The following ZNF226 variants were observed in gnomAD, a reference collection of about 807,000 sequenced individuals.
The protein encoded by ZNF226 is zinc finger protein 226, also known as Kruppel-associated box protein.
A neutral mutation model predicts 11.4 loss-of-function variants in ZNF226; 6 were observed. That is an observed-to-expected ratio of 0.53 (90% CI 0.29 to 1.04). The LOEUF (loss-of-function observed/expected upper bound fraction) is 1.04. Among genes scored for constraint, ZNF226 ranks in the 50% least tolerant of loss-of-function variants. ZNF226 has a pLI of 0.08. For missense variants in ZNF226, 1,058 were observed against 956.5 expected, an observed-to-expected ratio of 1.11 and a Z score of -1.40; for synonymous variants, 350 against 322.8, an observed-to-expected ratio of 1.08 and a Z score of -0.90.
rs1206986773 is a variant in ZNF226, at chr19:44,175,843, AT to A, written c.582del (p.Asn194LysfsTer41). On this transcript the variant is annotated frameshift_variant, in exon 6 of 6. Transcript: ENST00000337433. LOFTEE classifies it low-confidence loss of function (END_TRUNC). ...AGAGATCAGCAAATTTCCATAAAAAATAAATTATGTCAATGTAAGAAGGGTG... is the reference window on the plus strand; with the variant it reads ...AGAGATCAGCAAATTTCCATAAAAAAAAATTATGTCAATGTAAGAAGGGTG... ...LNRDQQISIKNKLCQCKKGVD... is the reference protein window; with the variant it reads ...LNRDQQISIKXKLCQCKKGVD... 1.1e-5 allele frequency: 18 copies of A among 1,613,578 alleles called. No homozygotes were observed. Among genetic ancestry groups the A allele is most frequent in the Admixed American group, 1.7e-5 (1 of 59,956 alleles).
intron 2 of ZNF226, among the ~76,000 whole-genome samples, chr19:44,168,269 T>C (rs1969642998): frequency 6.6e-6 from 1 of 152,116 alleles, no homozygotes; most frequent in Non-Finnish European, 1.5e-5. Flanking sequence ...GTCTTTTTGC[T>C]TTCACAACTT....
At chr19:44,169,048 G>A (rs10408004) in intron 2 of ZNF226, among the ~76,000 whole-genome samples, 17,810 of 122,606 alleles carry the variant, frequency 0.15, 3,122 homozygotes, top group African/African-American at 0.43. Context: ...TCACTCAGTC[G>A]CCGAGGCTGG....
intron 3 of ZNF226, among the ~76,000 whole-genome samples, chr19:44,171,752 C>G (rs1411599993): frequency 1.3e-5 from 2 of 152,136 alleles, no homozygotes; most frequent in Non-Finnish European, 2.9e-5. Flanking sequence ...TCACTTGGCT[C>G]CCACCTCAGT....
chr19:44,194,224 G>A, the ZNF226 span, among the ~76,000 whole-genome samples: 23 of 152,202 alleles, frequency 1.5e-4, no homozygotes, highest in Middle Eastern at 3.4e-3. Context: ...ACTGGAGTCC[G>A]TCATAGATGG....
Position 44,177,454 on chromosome 19 carries a change from T to A in ZNF226, c.2192T>A (p.Val731Glu). The change falls in exon 6 of 6, where the codon GTG becomes GAG. Residue 731 changes from valine (V) to glutamate (E), a missense_variant. Transcript: ENST00000337433. Reference protein sequence around the residue: ...HTGEKPYKCDVCGKVFSRSSQ... With the variant: ...HTGEKPYKCDECGKVFSRSSQ... Reference sequence around the variant, plus strand: ...GGAGAGAAACCATACAAATGTGATGTGTGTGGTAAAGTCTTCAGTCGGTCT... The same window carrying A: ...GGAGAGAAACCATACAAATGTGATGAGTGTGGTAAAGTCTTCAGTCGGTCT... 1.2e-6 allele frequency: 2 copies of A among 1,614,204 alleles called. No individual in the cohort carries two copies. The highest frequency in any genetic ancestry group is 1.7e-6 in the Non-Finnish European group (2 of 1,180,028).
chr19:44,198,144 ACTTT>A, the ZNF226 span, among the ~76,000 whole-genome samples: 1 of 152,130 alleles, frequency 6.6e-6, no homozygotes, highest in Admixed American at 6.6e-5. Flanking sequence ...CTGTTTCTGA[ACTTT>A]CTATTATCTT....
intron 5 of ZNF226, chr19:44,175,162 G>A (rs1440219072): frequency 5.4e-6 from 8 of 1,482,442 alleles, no homozygotes; most frequent in Admixed American, 2.6e-5. Flanking sequence ...CTGGGCTGTG[G>A]TTGTAAACTG....
At chr19:44,191,327 T>C in the ZNF226 span, among the ~76,000 whole-genome samples, 1 of 152,174 alleles carries the variant, frequency 6.6e-6, no homozygotes, top group African/African-American at 2.4e-5. Context: ...ATTATTTCTA[T>C]TGTATTTAGC....
chr19:44,183,223 T>C (rs1318372222), downstream of ZNF226, among the ~76,000 whole-genome samples: 1 of 152,208 alleles, frequency 6.6e-6, no homozygotes, highest in East Asian at 1.9e-4. Flanking sequence ...AAAATGTCAC[T>C]GTAGCCCACC....
intron 2 of ZNF226, among the ~76,000 whole-genome samples, chr19:44,167,269 C>T (rs920817199): frequency 1.5e-4 from 23 of 150,420 alleles, no homozygotes; most frequent in Non-Finnish European, 3.0e-5. Context: ...GTCATCATCT[C>T]GTCATCGTTA....
Position 44,176,266 on chromosome 19 carries a change from A to G in ZNF226, c.1004A>G (p.Tyr335Cys). The G allele has an allele frequency of 6.2e-7, 1 of 1,614,218 alleles. No homozygotes were observed. The highest frequency in any genetic ancestry group is 8.5e-7 in the Non-Finnish European group (1 of 1,180,032). Residue 335 changes from tyrosine (Y) to cysteine (C), a missense_variant, in exon 6 of 6, where the codon TAC becomes TGC. Transcript: ENST00000337433. ...AAAGTCCACGTGATAGAGAAACCAT[A>G]CAAATGTAAGCAATGTGGGAAAGGT... ...HQKVHVIEKP[Y>C]KCKQCGKGFS...
intron 3 of ZNF226, among the ~76,000 whole-genome samples, chr19:44,171,089 A>G (rs1970039671): frequency 6.6e-6 from 1 of 152,210 alleles, no homozygotes; most frequent in African/African-American, 2.4e-5. Flanking sequence ...TTTTTAAACT[A>G]TTCTCTATAT....
chr19:44,174,562 A>G (rs1300175485), intron 5 of ZNF226: 1 of 153,612 alleles, frequency 6.5e-6, no homozygotes. Flanking sequence ...GCTTATATGT[A>G]TGTCTTTAGA....
chr19:44,184,842 A>G, the ZNF226 span, among the ~76,000 whole-genome samples: 1 of 152,210 alleles, frequency 6.6e-6, no homozygotes, highest in Non-Finnish European at 1.5e-5. Flanking sequence ...ATTAGTGTAA[A>G]TTGTATTCAT....
chr19:44,166,897 T>C (rs1010866550), intron 2 of ZNF226: 7 of 152,188 alleles, frequency 4.6e-5, no homozygotes, highest in African/African-American at 1.7e-4. Context: ...GCGAGATGCA[T>C]GTTAAAGTTT....
At position 44,176,942 on chromosome 19, in the gene ZNF226, G is replaced by T. The variant is rs1436794077; in HGVS notation, c.1680G>T (p.Lys560Asn). Residue 560 changes from lysine (K) to asparagine (N), a missense_variant, in exon 6 of 6, where the codon AAG becomes AAT. Physicochemically the swap from Lys to Asn is moderately conservative, Grantham distance 94. Coordinates refer to ENST00000337433, the MANE Select transcript of ZNF226 (RefSeq NM_001032373.2). ...QKAHSIEKPFKCEECGQGFNQ... is the reference protein window; with the variant it reads ...QKAHSIEKPFNCEECGQGFNQ... Reference sequence around the variant, plus strand: ...CCCACAGTATAGAGAAACCTTTTAAGTGTGAGGAGTGTGGGCAGGGTTTCA... The same window carrying T: ...CCCACAGTATAGAGAAACCTTTTAATTGTGAGGAGTGTGGGCAGGGTTTCA... 8 of 1,613,438 alleles carry T rather than the reference G, an allele frequency of 5.0e-6. No homozygotes were observed. In the South Asian group the frequency reaches 8.8e-5, roughly 18 times the overall value.
At chr19:44,182,937 TGA>T (rs1297621590), downstream of ZNF226, among the ~76,000 whole-genome samples, 1 of 152,138 alleles carries the variant, frequency 6.6e-6, no homozygotes, top group Non-Finnish European at 1.5e-5. Context: ...TAAATCAACA[TGA>T]GAGAGAATTG....
the ZNF226 span, among the ~76,000 whole-genome samples, chr19:44,192,007 C>A: frequency 6.6e-6 from 1 of 152,160 alleles, no homozygotes; most frequent in Non-Finnish European, 1.5e-5. Context: ...CAACTAAACA[C>A]TGGAAGAGTG....
chr19:44,176,785 G>A lies in ZNF226; in HGVS notation c.1523G>A (p.Cys508Tyr). 6.2e-7 allele frequency: 1 copy of A among 1,614,070 alleles called. No homozygotes were observed. The highest frequency in any genetic ancestry group is 8.5e-7 in the Non-Finnish European group (1 of 1,180,018). Residue 508 changes from cysteine (C) to tyrosine (Y), a missense_variant, in exon 6 of 6, where the codon TGT becomes TAT. Cys to Tyr is a radical substitution (Grantham distance 194). Transcript: ENST00000337433. The part of the protein sequence containing the change: ...TGEKPYKCNE[C>Y]GKSFRRNSHY... The stretch of plus-strand genomic sequence containing the variant: ...GAGAAGCCATACAAATGCAATGAGT[G>A]TGGGAAGAGCTTCAGGAGGAATTCC...
Sources: gnomAD v4.1 joint callset for allele counts (sites outside exome capture counted in the v4.1 genomes callset) on GRCh38, gnomAD v4.1.1 for gene constraint, MANE v1.5 for transcripts, NCBI Gene and HGNC (gene_info 2026-07-23, HGNC 2026-07-21) for gene names.